The following SLC60A1 variants were observed in gnomAD, a reference collection of about 807,000 sequenced individuals.
The protein encoded by SLC60A1 is solute carrier family 60 member 1.
the SLC60A1 span, chr1:205,591,951 A>G: frequency 1.5e-6 from 1 of 676,456 alleles, no homozygotes. Context: ...GCTTCCTTCC[A>G]GATGTCAGAA....
chr1:205,600,614 G>C, the SLC60A1 span: 1 of 659,966 alleles, frequency 1.5e-6, no homozygotes, highest in East Asian at 2.8e-5. Flanking sequence ...AAATTAAATT[G>C]AGTCCTGGTA....
At chr1:205,585,091 G>A in the SLC60A1 span, 1 of 993,510 alleles carries the variant, frequency 1.0e-6, no homozygotes. This position sits in a 1 kb window ranked among gnomAD's most constrained non-coding sequence, Gnocchi z 4.2. Flanking sequence ...AAGGTTTCCT[G>A]GAGACTTCTC....
the SLC60A1 span, chr1:205,591,898 A>G: frequency 2.0e-6 from 1 of 488,882 alleles, no homozygotes; most frequent in South Asian, 2.3e-5. Flanking sequence ...GTTAGGGGAG[A>G]TGTCTAGGTG....
At chr1:205,583,065 G>A in the SLC60A1 span, among the ~76,000 whole-genome samples, 1 of 152,172 alleles carries the variant, frequency 6.6e-6, no homozygotes, top group African/African-American at 2.4e-5. Flanking sequence ...TTTCCTAAGT[G>A]AAAGGAACTG....
chr1:205,593,266 C>T, the SLC60A1 span, among the ~76,000 whole-genome samples: 1 of 151,732 alleles, frequency 6.6e-6, no homozygotes, highest in Non-Finnish European at 1.5e-5. Context: ...GTCAGGAGAT[C>T]GAGACCATCC....
chr1:205,592,140 G>A, the SLC60A1 span: 2 of 1,613,976 alleles, frequency 1.2e-6, no homozygotes, highest in Admixed American at 1.7e-5. Flanking sequence ...GCCGCGACAG[G>A]TTGGCGTGGT....
chr1:205,585,014 C>G, the SLC60A1 span: 1 of 1,600,860 alleles, frequency 6.2e-7, no homozygotes, highest in South Asian at 1.1e-5. The surrounding 1 kb of genome is among the most constrained non-coding windows in gnomAD (Gnocchi z 4.2). Flanking sequence ...CAGAGGGCGC[C>G]CCCTACTGGG....
chr1:205,597,519 GCTGGGACTA>G, the SLC60A1 span: 3 of 306,984 alleles, frequency 9.8e-6, no homozygotes, highest in Non-Finnish European at 1.3e-5. Context: ...CTCCCAAGTA[GCTGGGACTA>G]CAGGTGCACA....
At chr1:205,592,240 C>A in the SLC60A1 span, 5 of 1,614,144 alleles carry the variant, frequency 3.1e-6, no homozygotes, top group Non-Finnish European at 4.2e-6. Context: ...CTCAGCAGCA[C>A]CTTCCCCAGC....
the SLC60A1 span, chr1:205,569,273 C>T: frequency 4.5e-6 from 7 of 1,551,628 alleles, no homozygotes; most frequent in Non-Finnish European, 6.1e-6. Flanking sequence ...TGCTGGGCAG[C>T]GCCCTCGGGG....
the SLC60A1 span, chr1:205,583,839 C>G: frequency 1.5e-6 from 2 of 1,353,792 alleles, no homozygotes; most frequent in East Asian, 4.8e-5. Context: ...AGCTGGGCAC[C>G]CTTAGAAAAG....
the SLC60A1 span, chr1:205,580,602 A>G: frequency 6.3e-7 from 1 of 1,582,634 alleles, no homozygotes; most frequent in Non-Finnish European, 8.6e-7. This position sits in a 1 kb window ranked among gnomAD's most constrained non-coding sequence, Gnocchi z 5.0. Flanking sequence ...CCAGGCCACC[A>G]CTTCCCCGGG....
chr1:205,597,850 G>A, the SLC60A1 span: 3 of 1,613,768 alleles, frequency 1.9e-6, no homozygotes, highest in South Asian at 2.2e-5. Flanking sequence ...TGGTTGGTTC[G>A]GTATGTGGGG....
the SLC60A1 span, among the ~76,000 whole-genome samples, chr1:205,574,903 G>A: frequency 2.5e-3 from 386 of 152,322 alleles, 2 homozygotes; most frequent in African/African-American, 8.7e-3. Flanking sequence ...TGGTCCTGCC[G>A]TAGCTTGGAA....
the SLC60A1 span, chr1:205,599,086 G>C: frequency 1.5e-4 from 238 of 1,610,584 alleles, no homozygotes; most frequent in South Asian, 2.5e-3. Context: ...CACCTTCCAC[G>C]TGAAGTTTTA....
chr1:205,582,823 G>A, the SLC60A1 span, among the ~76,000 whole-genome samples: 2 of 152,232 alleles, frequency 1.3e-5, no homozygotes, highest in Non-Finnish European at 2.9e-5. Flanking sequence ...TGCCAACACA[G>A]GGGTGGTTTT....
the SLC60A1 span, chr1:205,597,659 G>A: frequency 2.1e-6 from 2 of 958,500 alleles, no homozygotes; most frequent in Non-Finnish European, 3.3e-6. Flanking sequence ...GACTCCTAAA[G>A]TACTGGGATG....
At chr1:205,588,603 C>T in the SLC60A1 span, among the ~76,000 whole-genome samples, 1 of 152,012 alleles carries the variant, frequency 6.6e-6, no homozygotes, top group East Asian at 1.9e-4. Context: ...CTTTTGTGGG[C>T]ACCCTGTTTG....
At chr1:205,594,252 C>T in the SLC60A1 span, among the ~76,000 whole-genome samples, 1 of 152,362 alleles carries the variant, frequency 6.6e-6, no homozygotes. Context: ...CCTCACGCAT[C>T]AGTCTCCAAG....
Sources: allele counts gnomAD v4.1 joint callset (sites outside exome capture counted in the v4.1 genomes callset), GRCh38; gene constraint gnomAD v4.1.1; non-coding constraint Gnocchi (gnomAD v3.1); transcripts MANE v1.5; gene names NCBI Gene and HGNC (gene_info 2026-07-23, HGNC 2026-07-21).